TMED2: variants seen among roughly 807,000 people sequenced by gnomAD.
TMED2 encodes the protein transmembrane p24 trafficking protein 2.
TMED2 carries 3 observed loss-of-function variants against 17.5 expected under a neutral mutation model. The ratio of observed to expected loss-of-function variants is 0.17; its 90% CI spans 0.08 to 0.44. TMED2 has a LOEUF of 0.44. Among genes scored for constraint, TMED2 ranks in the 20% least tolerant of loss-of-function variants. The pLI, the probability that TMED2 is intolerant of heterozygous loss-of-function variation, is 0.99. For missense variants in TMED2, 149 were observed against 254.8 expected (o/e 0.58, Z 2.83); for synonymous variants, 95 against 91.0 (o/e 1.04, Z -0.25).
intron 3 of TMED2, among the ~76,000 whole-genome samples, chr12:123,593,271 T>C (rs1053958231): frequency 1.3e-5 from 2 of 151,858 alleles, no homozygotes; most frequent in African/African-American, 2.4e-5. Flanking sequence ...GTTTTTTTTT[T>C]AGACGGAGTC....
Position 123,595,115 on chromosome 12 carries a change from G to T in TMED2, c.482-1490G>T, listed in dbSNP as rs972109993. On this transcript the variant is annotated intron_variant, in intron 3 of 3. Transcript: ENST00000262225. ...ATGGGGGTGTGCACGTGTAATCCCA[G>T]CTACTCAGGAGTCTGAGACAGGAGA... Among the ~76,000 whole-genome samples, 14 of 151,716 alleles carry T rather than the reference G, an allele frequency of 9.2e-5. 1 individual carries two copies. The highest frequency in any genetic ancestry group is 3.1e-4 in the African/African-American group (13 of 41,270).
chr12:123,596,026 T>G (rs541252176), intron 3 of TMED2, among the ~76,000 whole-genome samples: 2 of 152,158 alleles, frequency 1.3e-5, no homozygotes, highest in Non-Finnish European at 2.9e-5. Context: ...CAAAAAAGTC[T>G]TTGCTTTGGA....
At chr12:123,593,001 C>T (rs949622385) in intron 3 of TMED2, among the ~76,000 whole-genome samples, 1 of 151,548 alleles carries the variant, frequency 6.6e-6, no homozygotes, top group Non-Finnish European at 1.5e-5. Flanking sequence ...GTCAGTAGTT[C>T]GAGACCAGCC....
chr12:123,586,713 T>C (rs750280056), intron 1 of TMED2, 34 bp from the exon 2 acceptor site: 82 of 1,549,852 alleles, frequency 5.3e-5, no homozygotes, highest in Non-Finnish European at 6.8e-5. Flanking sequence ...CTTAATCTTT[T>C]GTGACATTTT....
intron 3 of TMED2, 98 bp downstream of exon 3, chr12:123,590,547 T>C: frequency 1.0e-6 from 1 of 961,336 alleles, no homozygotes; most frequent in Non-Finnish European, 1.5e-6. Flanking sequence ...CTTTGCAAAT[T>C]TTATGTGAAA....
chr12:123,594,438 T>C (rs1436866727), intron 3 of TMED2, among the ~76,000 whole-genome samples: 1 of 151,684 alleles, frequency 6.6e-6, no homozygotes, highest in East Asian at 2.0e-4. Flanking sequence ...CCAGCCTACA[T>C]AGTAATTAAA....
intron 2 of TMED2, among the ~76,000 whole-genome samples, chr12:123,589,236 A>G (rs1030234308): frequency 2.6e-5 from 4 of 152,166 alleles, no homozygotes; most frequent in African/African-American, 7.2e-5. Context: ...GTTCCCCACT[A>G]TAGTGAAACT....
intron 2 of TMED2, among the ~76,000 whole-genome samples, chr12:123,587,148 TTTTA>T (rs1253900899): frequency 4.6e-5 from 7 of 152,192 alleles, no homozygotes; most frequent in Admixed American, 2.6e-4. Flanking sequence ...TTCTTTTTTC[TTTTA>T]TTTATTTATT....
Position 123,597,978 on chromosome 12 carries a change from C to T in TMED2, c.*1249C>T, listed in dbSNP as rs1953444002. The T allele has an allele frequency of 6.6e-6, 1 of 152,280 alleles. No individual in the cohort carries two copies. Among genetic ancestry groups the T allele is most frequent in the Admixed American group, 6.6e-5 (1 of 15,204 alleles). The allele number at this position is 152,280 out of a possible 1,614,324, so 9.4% of individuals were successfully genotyped here. On this transcript the variant is annotated 3_prime_UTR_variant, in exon 4 of 4. Transcript: ENST00000262225. Reference sequence around the variant, plus strand: ...CTTCCACCTTGGGTGAGAACACTTGCAACAGTTTATTAATGAGGTGACTTT... The same window carrying T: ...CTTCCACCTTGGGTGAGAACACTTGTAACAGTTTATTAATGAGGTGACTTT...
intron 3 of TMED2, among the ~76,000 whole-genome samples, chr12:123,596,021 A>G (rs926384850): frequency 8.5e-5 from 13 of 152,172 alleles, no homozygotes; most frequent in Non-Finnish European, 1.6e-4. Flanking sequence ...GCAAACAAAA[A>G]AGTCTTTGCT....
intron 1 of TMED2, 64 bp from the exon 2 acceptor site, chr12:123,586,683 A>G: frequency 6.9e-7 from 1 of 1,447,496 alleles, no homozygotes; most frequent in South Asian, 1.4e-5. Context: ...GCCATTAGAC[A>G]TTACTTATAA....
chr12:123,594,750 G>A (rs1953418367), intron 3 of TMED2, among the ~76,000 whole-genome samples: 1 of 151,620 alleles, frequency 6.6e-6, no homozygotes, highest in Non-Finnish European at 1.5e-5. Flanking sequence ...AGTCAGGTAT[G>A]GTGGTACATG....
At chr12:123,584,876 A>C in intron 1 of TMED2, 60 bp downstream of exon 1, 1 of 1,584,606 alleles carries the variant, frequency 6.3e-7, no homozygotes, top group Non-Finnish European at 8.5e-7. Flanking sequence ...GATTGGTGGC[A>C]CCTGGGACCG....
chr12:123,593,613 C>T (rs1004034504), intron 3 of TMED2, among the ~76,000 whole-genome samples: 1 of 152,170 alleles, frequency 6.6e-6, no homozygotes, highest in African/African-American at 2.4e-5. Flanking sequence ...TCTCTGCTCC[C>T]CGTATACAAG....
At chr12:123,590,186 G>A (rs545505727) in intron 2 of TMED2, among the ~76,000 whole-genome samples, 156 bp from the exon 3 acceptor site, 1 of 152,034 alleles carries the variant, frequency 6.6e-6, no homozygotes, top group Admixed American at 6.5e-5. Flanking sequence ...TGGAGGCTGA[G>A]GCAGGAGAAT....
At chr12:123,591,264 G>A (rs937190117) in intron 3 of TMED2, among the ~76,000 whole-genome samples, 16 of 152,204 alleles carry the variant, frequency 1.1e-4, no homozygotes, top group African/African-American at 3.9e-4. Flanking sequence ...CCTCAAGTTT[G>A]TAAGTTGGGA....
In TMED2 at chr12:123,586,771, A is replaced by G. The variant is rs772383268; in HGVS notation, c.205A>G (p.Ile69Val). The change falls in exon 2 of 4, where the codon ATT becomes GTT. Residue 69 changes from isoleucine to valine, a missense_variant. Physicochemically the swap from Ile to Val is conservative, Grantham distance 29 (BLOSUM62 3). Transcript: ENST00000262225. ...GATTACAGGACCAGATAACAAAGGA[A>G]TTTACAAAGGAGACAGAGAATCCAG... Reference protein sequence around the residue: ...VEITGPDNKGIYKGDRESSGK... With the variant: ...VEITGPDNKGVYKGDRESSGK... 9 of 1,603,452 alleles carry G rather than the reference A, an allele frequency of 5.6e-6. No individual in the cohort carries two copies. The highest frequency in any genetic ancestry group is 7.7e-6 in the Non-Finnish European group (9 of 1,175,334).
chr12:123,590,463 G>GGCAT lies in TMED2; in HGVS notation c.481+14_481+15insGCAT. The GGCAT allele has an allele frequency of 1.3e-6, 2 of 1,575,088 alleles. No individual in the cohort carries two copies. Among genetic ancestry groups the GGCAT allele is most frequent in the Non-Finnish European group, 1.7e-6 (2 of 1,154,776 alleles). On this transcript the variant is annotated intron_variant, in intron 3 of 3. Coordinates refer to ENST00000262225, the MANE Select transcript of TMED2 (RefSeq NM_006815.4). ...TACACAGAGCCAGTAAGTGAATGCC[G>GGCAT]TCACTTTGCAGCAGTGTCTGATGGT...
In TMED2 at chr12:123,597,288, C is replaced by G. The variant is rs1353681370; in HGVS notation, c.*559C>G. 1.3e-5 allele frequency: 2 copies of G among 152,220 alleles called. No homozygotes were observed. Among genetic ancestry groups the G allele is most frequent in the Non-Finnish European group, 2.9e-5 (2 of 68,042 alleles). The allele number at this position is 152,220 out of a possible 1,614,324, so 9.4% of individuals were successfully genotyped here. A position where few individuals can be genotyped will look rare whatever the true frequency, so the allele number is the denominator to read the frequency against. ...TTTGTTTTCTTGTTTTGCTTTAAAACTACGACTCAGCATACATTTTCCCAC... is the reference window on the plus strand; with the variant it reads ...TTTGTTTTCTTGTTTTGCTTTAAAAGTACGACTCAGCATACATTTTCCCAC... On this transcript the variant is annotated 3_prime_UTR_variant, in exon 4 of 4. Transcript: ENST00000262225.
Sources: gnomAD v4.1 joint callset for allele counts (sites outside exome capture counted in the v4.1 genomes callset) on GRCh38, gnomAD v4.1.1 for gene constraint, MANE v1.5 for transcripts, NCBI Gene and HGNC (gene_info 2026-07-23, HGNC 2026-07-21) for gene names.